FAM3B: variants seen among roughly 807,000 people sequenced by gnomAD.
FAM3B encodes protein FAM3B.
Under a neutral mutation model 28.4 loss-of-function variants are expected in FAM3B, and 29 were observed. The observed-to-expected ratio is 1.02, with a 90% confidence interval of 0.76 to 1.39. The LOEUF (loss-of-function observed/expected upper bound fraction) is 1.39. FAM3B is among the 40% of genes most tolerant of loss of function. The pLI, the probability that FAM3B is intolerant of heterozygous loss-of-function variation, is 0.00. For missense variants in FAM3B, 266 were observed against 293.9 expected, an observed-to-expected ratio of 0.91 and a Z score of 0.69; for synonymous variants, 91 against 103.0, an observed-to-expected ratio of 0.88 and a Z score of 0.71.
At chr21:41,335,748 G>A (rs559860623) in intron 2 of FAM3B, among the ~76,000 whole-genome samples, 2 of 152,156 alleles carry the variant, frequency 1.3e-5, no homozygotes, top group Non-Finnish European at 2.9e-5. Context: ...TCATACCATG[G>A]TAGTAGGAAA....
intron 1 of FAM3B, chr21:41,322,699 G>T: frequency 1.4e-6 from 1 of 727,436 alleles, no homozygotes; most frequent in Non-Finnish European, 2.5e-6. Flanking sequence ...AATACAACTT[G>T]CCCTGGAAAG....
chr21:41,350,721 T>A (rs1371015626), intron 7 of FAM3B, among the ~76,000 whole-genome samples: 2 of 152,252 alleles, frequency 1.3e-5, no homozygotes, highest in Non-Finnish European at 2.9e-5. Context: ...CCTCCTTGCG[T>A]GGATCTCCAG....
chr21:41,333,060 TTTATTACCATAA>T lies in FAM3B; in HGVS notation c.164-5317_164-5306del, dbSNP rs766410208. Among the ~76,000 whole-genome samples, 119 of 152,008 alleles carry T rather than the reference TTTATTACCATAA, an allele frequency of 7.8e-4. 1 individual carries two copies. The highest frequency in any genetic ancestry group is 2.9e-4 in the Non-Finnish European group (20 of 68,028). On this transcript the variant is annotated intron_variant, in intron 2 of 7. Transcript: ENST00000357985. The stretch of plus-strand genomic sequence containing the variant: ...GTGAGACCTTTTTTTAATGTACGCA[TTTATTACCATAA>T]ACTCCTCTGTTAGAACTGTTTTGCT...
intron 2 of FAM3B, among the ~76,000 whole-genome samples, chr21:41,331,872 A>G (rs565571467): frequency 8.7e-4 from 132 of 152,232 alleles, no homozygotes; most frequent in Non-Finnish European, 1.4e-3. Flanking sequence ...TTTGTCCTTC[A>G]TTCTGTTGAT....
chr21:41,328,143 G>A (rs137916886), intron 2 of FAM3B, among the ~76,000 whole-genome samples: 10 of 152,338 alleles, frequency 6.6e-5, no homozygotes, highest in Non-Finnish European at 8.8e-5. Context: ...GGACAGGTCT[G>A]TGCGCTTGTG....
chr21:41,348,762 A>G (rs1419924176), intron 7 of FAM3B, 38 bp downstream of exon 7: 1 of 1,613,296 alleles, frequency 6.2e-7, no homozygotes, highest in Non-Finnish European at 8.5e-7. Flanking sequence ...ACCAATGGTG[A>G]GTATAGTAAA....
chr21:41,348,009 A>T (rs1336140517), intron 6 of FAM3B, among the ~76,000 whole-genome samples: 1 of 152,196 alleles, frequency 6.6e-6, no homozygotes, highest in Non-Finnish European at 1.5e-5. Flanking sequence ...ACCAAACTGA[A>T]GTTCCTTGGC....
intron 2 of FAM3B, among the ~76,000 whole-genome samples, chr21:41,329,316 A>AAT (rs2088883819): frequency 6.6e-6 from 1 of 152,210 alleles, no homozygotes; most frequent in Non-Finnish European, 1.5e-5. Flanking sequence ...AGTGTGATGT[A>AAT]ATCTCACACC....
intron 2 of FAM3B, among the ~76,000 whole-genome samples, chr21:41,332,103 G>T (rs2088911364): frequency 6.6e-6 from 1 of 152,220 alleles, no homozygotes; most frequent in South Asian, 2.1e-4. Context: ...ACGATAGTGA[G>T]TTCTTGTGAG....
intron 2 of FAM3B, among the ~76,000 whole-genome samples, chr21:41,325,331 A>G (rs900256764): frequency 1.3e-5 from 2 of 152,210 alleles, no homozygotes; most frequent in African/African-American, 2.4e-5. Flanking sequence ...CTCCTATAGA[A>G]CAATGAGGTA....
chr21:41,318,453 C>T (rs546722022), intron 1 of FAM3B, among the ~76,000 whole-genome samples: 11 of 152,176 alleles, frequency 7.2e-5, no homozygotes, highest in Non-Finnish European at 1.5e-4. Flanking sequence ...TGTGGACCGT[C>T]AAGGCCGGTT....
At chr21:41,356,214 G>A (rs1479331764) in intron 7 of FAM3B, among the ~76,000 whole-genome samples, 1 of 151,872 alleles carries the variant, frequency 6.6e-6, no homozygotes. Context: ...TGGTTTATCG[G>A]TTGCCCTATT....
intron 4 of FAM3B, among the ~76,000 whole-genome samples, chr21:41,344,757 T>A (rs535397754): frequency 8.2e-4 from 125 of 152,192 alleles, no homozygotes; most frequent in Non-Finnish European, 1.4e-3. Flanking sequence ...GACTTTATTT[T>A]AAAAAAAGAA....
chr21:41,311,251 A>AAAAAAAAAAAAAAAAATATAT (rs1555866518), intron 1 of FAM3B, among the ~76,000 whole-genome samples: 1 of 35,074 alleles, frequency 2.9e-5, no homozygotes, highest in Non-Finnish European at 4.7e-5. Flanking sequence ...AAAAAAAAAA[A>AAAAAAAAAAAAAAAAATATAT]ATATATATAT....
At position 41,344,544 on chromosome 21, in the gene FAM3B, T is replaced by G. The variant is rs757802421; in HGVS notation, c.346+10T>G. 6.2e-7 allele frequency: 1 copy of G among 1,612,324 alleles called. No homozygotes were observed. Among genetic ancestry groups the G allele is most frequent in the South Asian group, 1.1e-5 (1 of 91,036 alleles). ...ATTGCCATTGTCAACTGTAAGTTAC[T>G]AAACATTTTCTTTAAACTTCTCTAA... On this transcript the variant is annotated intron_variant, in intron 4 of 7. Transcript: ENST00000357985.
chr21:41,332,517 CAG>C (rs1173488589), intron 2 of FAM3B, among the ~76,000 whole-genome samples: 1 of 152,182 alleles, frequency 6.6e-6, no homozygotes, highest in East Asian at 1.9e-4. Flanking sequence ...GCTTTGGTAT[CAG>C]GGTAATGCTG....
At chr21:41,349,161 TG>T (rs746796218) in intron 7 of FAM3B, among the ~76,000 whole-genome samples, 1 of 152,238 alleles carries the variant, frequency 6.6e-6, no homozygotes, top group Non-Finnish European at 1.5e-5. Context: ...CTGTACTAAC[TG>T]GGCACGTGAT....
Position 41,326,854 on chromosome 21 carries a change from T to G in FAM3B, c.163+3788T>G, listed in dbSNP as rs441651. On this transcript the variant is annotated intron_variant, in intron 2 of 7. Transcript: ENST00000357985. The surrounding 1 kb of genome is among the most constrained non-coding windows in gnomAD (Gnocchi z 4.0). ...AGTTAGGCTAGAACCCAGCCCACTG[T>G]TCTGCACCTGGGGCCCTTTTCACCC... is the stretch of plus-strand genomic sequence containing the variant. Among the ~76,000 whole-genome samples the G allele has an allele frequency of 0.075, 11,484 of 152,290 alleles. 594 individuals are homozygous for G. The highest frequency in any genetic ancestry group is 0.14 in the African/African-American group (5,647 of 41,560).
At chr21:41,347,994 A>G (rs369405225) in intron 6 of FAM3B, among the ~76,000 whole-genome samples, 4 of 152,150 alleles carry the variant, frequency 2.6e-5, no homozygotes, top group African/African-American at 9.7e-5. Flanking sequence ...TTCATGGAGC[A>G]TCTTACCAAA....
Sources: gnomAD v4.1 joint callset for allele counts (sites outside exome capture counted in the v4.1 genomes callset) on GRCh38, gnomAD v4.1.1 for gene constraint, Gnocchi (gnomAD v3.1) non-coding constraint, MANE v1.5 for transcripts, NCBI Gene and HGNC (gene_info 2026-07-23, HGNC 2026-07-21) for gene names.